Variants in ZMIZ1 observed in about 807,000 individuals in gnomAD.
ZMIZ1 encodes zinc finger MIZ-type containing 1.
In ZMIZ1, 17 loss-of-function variants were observed where a neutral mutation model predicts 113.9. The ratio of observed to expected loss-of-function variants is 0.15; its 90% CI spans 0.10 to 0.22. The LOEUF is 0.22. ZMIZ1 is among the 10% of genes least tolerant of loss of function. The pLI is 1.00. For synonymous variants in ZMIZ1, 607 were observed against 603.1 expected (o/e 1.01, Z -0.09); for missense variants, 1,059 against 1,477.8 (o/e 0.72, Z 4.65).
intron 4 of ZMIZ1, among the ~76,000 whole-genome samples, chr10:79,174,460 C>T (rs576811431): frequency 1.3e-5 from 2 of 152,262 alleles, no homozygotes; most frequent in South Asian, 4.1e-4. Context: ...CAGTGGGGAG[C>T]CGGTGAGGGT....
chr10:79,096,499 G>A (rs571854179), intron 1 of ZMIZ1, among the ~76,000 whole-genome samples: 2 of 152,218 alleles, frequency 1.3e-5, no homozygotes, highest in South Asian at 2.1e-4. Flanking sequence ...GCGACAGAGT[G>A]AGACTCCGTC....
At chr10:79,073,367 GCT>G (rs1196261448) in intron 1 of ZMIZ1, among the ~76,000 whole-genome samples, 1 of 152,226 alleles carries the variant, frequency 6.6e-6, no homozygotes, top group African/African-American at 2.4e-5. Flanking sequence ...GAAGCATTTT[GCT>G]GAAGCTGCTC....
chr10:79,301,042 C>T, intron 17 of ZMIZ1, 100 bp downstream of exon 17: 1 of 1,485,652 alleles, frequency 6.7e-7, no homozygotes, highest in Non-Finnish European at 9.0e-7. Flanking sequence ...TCAGCCTTGT[C>T]CCTGCGTCAC....
chr10:79,070,093 G>C (rs572506690), intron 1 of ZMIZ1, among the ~76,000 whole-genome samples: 216 of 151,784 alleles, frequency 1.4e-3, no homozygotes, highest in African/African-American at 5.0e-3. Context: ...GGCCCCGGGG[G>C]AGTGGGAGGC....
intron 2 of ZMIZ1, among the ~76,000 whole-genome samples, chr10:79,119,392 C>T (rs1844188695): frequency 6.6e-6 from 1 of 152,196 alleles, no homozygotes; most frequent in African/African-American, 2.4e-5. Context: ...GGGTACTGTG[C>T]AAAGTACTAT....
At chr10:79,174,762 A>G (rs1203122302) in intron 4 of ZMIZ1, among the ~76,000 whole-genome samples, 1 of 152,250 alleles carries the variant, frequency 6.6e-6, no homozygotes, top group Non-Finnish European at 1.5e-5. Flanking sequence ...GACACACACA[A>G]GATGCAGGCT....
At chr10:79,175,657 T>A in intron 4 of ZMIZ1, among the ~76,000 whole-genome samples, 1 of 149,464 alleles carries the variant, frequency 6.7e-6, no homozygotes, top group African/African-American at 2.5e-5. Context: ...CGCATGTATG[T>A]GTCCCTCCCC....
intron 7 of ZMIZ1, among the ~76,000 whole-genome samples, chr10:79,224,587 G>A (rs1277037170): frequency 6.6e-6 from 1 of 152,210 alleles, no homozygotes; most frequent in Non-Finnish European, 1.5e-5. Context: ...GGAGCCTGGA[G>A]GATGGGACCC....
intron 1 of ZMIZ1, among the ~76,000 whole-genome samples, chr10:79,113,265 C>T (rs974517077): frequency 6.6e-6 from 1 of 152,236 alleles, no homozygotes; most frequent in Non-Finnish European, 1.5e-5. Context: ...GTCTTCTGAG[C>T]AGCTCTGCCA....
At chr10:79,119,304 G>T (rs1319647019) in intron 2 of ZMIZ1, among the ~76,000 whole-genome samples, 1 of 152,080 alleles carries the variant, frequency 6.6e-6, no homozygotes, top group African/African-American at 2.4e-5. Context: ...CCTTCTAGAG[G>T]GCCTCAGCTT....
At chr10:79,200,900 AAC>A (rs553674734) in intron 4 of ZMIZ1, among the ~76,000 whole-genome samples, 6 of 151,982 alleles carry the variant, frequency 3.9e-5, no homozygotes, top group South Asian at 4.1e-4. Flanking sequence ...CACATGTATG[AAC>A]ACACACACAC....
Position 79,311,061 on chromosome 10 carries a change from G to A in ZMIZ1, c.2973G>A (p.Arg991=), listed in dbSNP as rs951858370. The A allele has an allele frequency of 1.9e-6, 3 of 1,613,234 alleles. No individual in the cohort carries two copies. The highest frequency in any genetic ancestry group is 2.5e-6 in the Non-Finnish European group (3 of 1,180,014). Residue 991 remains arginine (R), a synonymous_variant, in exon 24 of 25, where the codon CGG becomes CGA. Coordinates refer to ENST00000334512, the MANE Select transcript of ZMIZ1 (RefSeq NM_020338.4). The part of the protein sequence containing the change: ...APPPPPSQPP[R]QPPQAAPSSH... ...CTCCTCCTCCTTCCCAGCCTCCCCGGCAGCCGCCACAGGCCGCTCCCAGCA... is the reference window on the plus strand; with the variant it reads ...CTCCTCCTCCTTCCCAGCCTCCCCGACAGCCGCCACAGGCCGCTCCCAGCA...
At chr10:79,201,082 C>T (rs564968875) in intron 4 of ZMIZ1, among the ~76,000 whole-genome samples, 15 of 152,164 alleles carry the variant, frequency 9.9e-5, no homozygotes, top group Non-Finnish European at 1.8e-4. Flanking sequence ...CTGAGGTGGG[C>T]GGATCACCTG....
chr10:79,107,049 C>T (rs1218149019), intron 1 of ZMIZ1, among the ~76,000 whole-genome samples: 1 of 152,216 alleles, frequency 6.6e-6, no homozygotes, highest in African/African-American at 2.4e-5. Flanking sequence ...TGCATCTGGC[C>T]AGGGGATGGA....
At chr10:79,231,551 C>G (rs1849394429) in intron 7 of ZMIZ1, among the ~76,000 whole-genome samples, 1 of 151,390 alleles carries the variant, frequency 6.6e-6, no homozygotes, top group African/African-American at 2.4e-5. Flanking sequence ...GCCTAGGAAG[C>G]CTGGTGGGGG....
At chr10:79,151,471 G>A (rs756329988) in intron 3 of ZMIZ1, among the ~76,000 whole-genome samples, 20 of 152,210 alleles carry the variant, frequency 1.3e-4, no homozygotes, top group Non-Finnish European at 2.4e-4. Flanking sequence ...AGAGGAACCG[G>A]CAGCAGAGAA....
At chr10:79,217,658 A>T (rs1848794504) in intron 7 of ZMIZ1, among the ~76,000 whole-genome samples, 1 of 152,236 alleles carries the variant, frequency 6.6e-6, no homozygotes, top group Admixed American at 6.5e-5. Flanking sequence ...TGTTTCCATA[A>T]ATCTGCTCAA....
chr10:79,277,858 G>C (rs960328255), intron 8 of ZMIZ1, among the ~76,000 whole-genome samples: 1 of 152,250 alleles, frequency 6.6e-6, no homozygotes, highest in Admixed American at 6.5e-5. Context: ...ACGTGGCCAG[G>C]ACTGGCAATT....
chr10:79,134,220 G>T (rs939463832), intron 2 of ZMIZ1, among the ~76,000 whole-genome samples: 12 of 152,304 alleles, frequency 7.9e-5, no homozygotes, highest in Middle Eastern at 3.4e-3. Context: ...TAGGGGGAAG[G>T]TGCTGCAGTC....
Sources: gnomAD v4.1 joint callset for allele counts (sites outside exome capture counted in the v4.1 genomes callset) on GRCh38, gnomAD v4.1.1 for gene constraint, MANE v1.5 for transcripts, NCBI Gene and HGNC (gene_info 2026-07-23, HGNC 2026-07-21) for gene names.